The following ANKFN1 variants were observed in gnomAD, a reference collection of about 807,000 sequenced individuals.
The protein encoded by ANKFN1 is ankyrin repeat and fibronectin type III domain containing 1.
A neutral mutation model predicts 108.7 loss-of-function variants in ANKFN1; 74 were observed. The ratio of observed to expected loss-of-function variants is 0.68; its 90% CI spans 0.56 to 0.83. The LOEUF (loss-of-function observed/expected upper bound fraction) is 0.83, where lower values mean the gene tolerates loss of function less well. Among genes scored for constraint, ANKFN1 ranks in the 40% least tolerant of loss-of-function variants. The pLI, the probability that ANKFN1 is intolerant of heterozygous loss-of-function variation, is 0.00. For missense variants in ANKFN1, 1,505 were observed against 1,382.3 expected, an observed-to-expected ratio of 1.09 and a Z score of -1.41; for synonymous variants, 547 against 516.2, an observed-to-expected ratio of 1.06 and a Z score of -0.81.
intron 4 of ANKFN1, among the ~76,000 whole-genome samples, chr17:56,047,779 G>A (rs933373153): frequency 1.3e-5 from 2 of 152,160 alleles, no homozygotes; most frequent in Non-Finnish European, 2.9e-5. Context: ...CTCAATGCTA[G>A]GGGTCAGCAC....
chr17:56,290,420 G>A (rs971275878), intron 3 of ANKFN1, among the ~76,000 whole-genome samples: 18 of 152,170 alleles, frequency 1.2e-4, no homozygotes, highest in Non-Finnish European at 2.2e-4. Context: ...GGGTTCTTAA[G>A]CCAGAAGAGC....
chr17:56,086,007 A>G (rs1429114360), intron 4 of ANKFN1, among the ~76,000 whole-genome samples: 1 of 151,318 alleles, frequency 6.6e-6, no homozygotes, highest in Non-Finnish European at 1.5e-5. Flanking sequence ...ATAATTTAAT[A>G]AATGTAATAT....
At chr17:56,093,397 C>T (rs534706505) in intron 4 of ANKFN1, among the ~76,000 whole-genome samples, 23 of 151,158 alleles carry the variant, frequency 1.5e-4, no homozygotes, top group African/African-American at 5.1e-4. Context: ...TTGTTTTGAA[C>T]GTGCCAGTGG....
chr17:56,184,955 G>C (rs1306973866), intron 1 of ANKFN1: 1 of 152,204 alleles, frequency 6.6e-6, no homozygotes, highest in Admixed American at 6.5e-5. Flanking sequence ...CTAACAGAAG[G>C]AAATAAAATG....
intron 8 of ANKFN1, among the ~76,000 whole-genome samples, chr17:56,412,429 GTGTT>G (rs2048119366): frequency 6.6e-6 from 1 of 152,176 alleles, no homozygotes; most frequent in South Asian, 2.1e-4. Context: ...GTCTGTGAGG[GTGTT>G]GCCAAAGGAG....
chr17:56,405,152 G>T (rs2047883519), intron 8 of ANKFN1, among the ~76,000 whole-genome samples: 1 of 152,210 alleles, frequency 6.6e-6, no homozygotes, highest in African/African-American at 2.4e-5. Context: ...CTCCGGCCGG[G>T]AGGTGGCCCT....
chr17:56,119,532 G>A (rs1906482289), intron 4 of ANKFN1, among the ~76,000 whole-genome samples: 1 of 152,130 alleles, frequency 6.6e-6, no homozygotes, highest in Admixed American at 6.5e-5. Context: ...TAAAAGCTTG[G>A]TAGAGAAGAA....
chr17:56,107,522 G>A (rs1905773662), intron 4 of ANKFN1, among the ~76,000 whole-genome samples: 1 of 152,078 alleles, frequency 6.6e-6, no homozygotes, highest in Admixed American at 6.5e-5. Flanking sequence ...TTATTTTTAA[G>A]GGGCTGTGTT....
intron 3 of ANKFN1, among the ~76,000 whole-genome samples, chr17:56,322,736 C>T (rs1352091684): frequency 6.6e-6 from 1 of 152,194 alleles, no homozygotes; most frequent in Non-Finnish European, 1.5e-5. Context: ...TCTCTGTGAA[C>T]ATTTTCTATG....
intron 4 of ANKFN1, among the ~76,000 whole-genome samples, chr17:56,081,630 G>A (rs1905247134): frequency 6.6e-6 from 1 of 152,180 alleles, no homozygotes; most frequent in African/African-American, 2.4e-5. Context: ...TGGGATTACA[G>A]GCATAAGCCA....
At chr17:56,283,356 C>G (rs776634085) in intron 3 of ANKFN1, among the ~76,000 whole-genome samples, 19 of 151,998 alleles carry the variant, frequency 1.3e-4, no homozygotes, top group Admixed American at 2.0e-4. Flanking sequence ...GTAGAACTAC[C>G]ATTTGATCCA....
At chr17:56,287,310 C>G (rs1567887125) in intron 3 of ANKFN1, among the ~76,000 whole-genome samples, 1 of 152,174 alleles carries the variant, frequency 6.6e-6, no homozygotes, top group African/African-American at 2.4e-5. Flanking sequence ...ATTGGACAAG[C>G]CTGGCTTTGA....
chr17:56,380,495 G>A lies in ANKFN1; in HGVS notation c.910+5781G>A, dbSNP rs183972036. Among the ~76,000 whole-genome samples, 59 of 152,340 alleles carry A rather than the reference G, an allele frequency of 3.9e-4. 1 individual carries two copies. The highest frequency in any genetic ancestry group is 6.8e-3 in the Middle Eastern group (2 of 294). ...AGCAGGATGAGGCATTGCCTCACTCGGGAAGCACAAGGAGTCAGGGAGTTC... is the reference window on the plus strand; with the variant it reads ...AGCAGGATGAGGCATTGCCTCACTCAGGAAGCACAAGGAGTCAGGGAGTTC... On this transcript the variant is annotated intron_variant, in intron 8 of 20. Coordinates refer to ENST00000682825, the MANE Select transcript of ANKFN1 (RefSeq NM_001370326.1).
intron 3 of ANKFN1, among the ~76,000 whole-genome samples, chr17:56,282,933 G>C (rs1051123168): frequency 1.3e-5 from 2 of 152,154 alleles, no homozygotes; most frequent in Non-Finnish European, 2.9e-5. Flanking sequence ...TATGGTAGCA[G>C]ATGGAAAGGA....
At chr17:56,116,522 T>C (rs1906285560) in intron 4 of ANKFN1, among the ~76,000 whole-genome samples, 1 of 152,070 alleles carries the variant, frequency 6.6e-6, no homozygotes. Flanking sequence ...AGAAAGTGAG[T>C]GAGTTCTCAC....
intron 4 of ANKFN1, among the ~76,000 whole-genome samples, chr17:56,347,424 C>T (rs1002517773): frequency 1.3e-5 from 2 of 151,972 alleles, no homozygotes; most frequent in Admixed American, 1.3e-4. Flanking sequence ...ATAATGATGA[C>T]ATGAATTCAT....
At chr17:56,080,738 C>G (rs12601157) in intron 4 of ANKFN1, among the ~76,000 whole-genome samples, 1 of 151,992 alleles carries the variant, frequency 6.6e-6, no homozygotes, top group South Asian at 2.1e-4. Flanking sequence ...CTATTATGCT[C>G]TATTGCCCCT....
At chr17:56,210,179 A>G (rs558427652) in intron 1 of ANKFN1, among the ~76,000 whole-genome samples, 2 of 152,106 alleles carry the variant, frequency 1.3e-5, no homozygotes, top group Admixed American at 6.6e-5. Flanking sequence ...TATTTTTGCA[A>G]TTGCGAATGG....
At chr17:56,429,033 G>A (rs1336645549) in intron 8 of ANKFN1, among the ~76,000 whole-genome samples, 3 of 152,186 alleles carry the variant, frequency 2.0e-5, no homozygotes, top group Non-Finnish European at 4.4e-5. Flanking sequence ...GGGAAGATAA[G>A]ATATTCCTTT....
Sources: gnomAD v4.1 joint callset for allele counts (sites outside exome capture counted in the v4.1 genomes callset) on GRCh38, gnomAD v4.1.1 for gene constraint, MANE v1.5 for transcripts, NCBI Gene and HGNC (gene_info 2026-07-23, HGNC 2026-07-21) for gene names.